Variants in ARHGAP6 observed in about 807,000 individuals in gnomAD.
The protein encoded by ARHGAP6 is Rho GTPase activating protein 6.
ARHGAP6 carries 16 observed loss-of-function variants against 55.7 expected under a neutral mutation model. The ratio of observed to expected loss-of-function variants is 0.29; its 90% CI spans 0.19 to 0.44. ARHGAP6 has a LOEUF of 0.44. Ranked by LOEUF, ARHGAP6 falls within the 20% of genes least tolerant of loss-of-function variation. The probability of loss-of-function intolerance (pLI) is 1.00; values close to 1 mark genes in which losing one functional copy is unlikely to be tolerated. For missense variants in ARHGAP6, 698 were observed against 808.9 expected (o/e 0.86, Z 1.66); for synonymous variants, 382 against 360.9 (o/e 1.06, Z -0.66).
At chrX:11,466,640 G>A (rs2050296124) in intron 1 of ARHGAP6, among the ~76,000 whole-genome samples, 1 of 110,815 alleles carries the variant, frequency 9.0e-6, no homozygotes, top group South Asian at 3.9e-4. Context: ...GAGTAGCTGG[G>A]ACTATGGGCA....
intron 1 of ARHGAP6, chrX:11,427,937 C>T (rs1434826100): frequency 1.7e-5 from 6 of 359,644 alleles, no homozygotes; most frequent in Non-Finnish European, 1.4e-5. Flanking sequence ...CGGCGGCCGC[C>T]GCCGCTGACA....
intron 10 of ARHGAP6, chrX:11,148,905 T>G (rs2045735783): frequency 9.0e-6 from 2 of 222,147 alleles, no homozygotes; most frequent in South Asian, 1.1e-4. Context: ...CATCTTGGAT[T>G]ATATCAATGG....
intron 10 of ARHGAP6, among the ~76,000 whole-genome samples, chrX:11,146,004 A>C (rs2045684825): frequency 8.9e-6 from 1 of 112,325 alleles, no homozygotes; most frequent in African/African-American, 3.2e-5. Flanking sequence ...TAAGAGCCAA[A>C]TCAGGAGGGA....
At chrX:11,639,689 G>C (rs1315107552) in intron 1 of ARHGAP6, among the ~76,000 whole-genome samples, 5 of 110,574 alleles carry the variant, frequency 4.5e-5, no homozygotes, top group Non-Finnish European at 9.5e-5. Context: ...ATATATCTGT[G>C]AGAGAAAAAG....
intron 1 of ARHGAP6, among the ~76,000 whole-genome samples, chrX:11,518,991 A>T (rs201855942): frequency 0.017 from 1,530 of 87,798 alleles, 25 homozygotes; most frequent in East Asian, 0.039. Context: ...TGCATAGTAT[A>T]CCATGGTGTA....
At chrX:11,504,847 A>G (rs2050716236) in intron 1 of ARHGAP6, among the ~76,000 whole-genome samples, 1 of 112,604 alleles carries the variant, frequency 8.9e-6, no homozygotes. Flanking sequence ...AGATATTTCA[A>G]TGTCACATTG....
In ARHGAP6 at chrX:11,491,468, G is replaced by GT. The variant is rs2050567103; in HGVS notation, c.588+172772dup. On this transcript the variant is annotated intron_variant, in intron 1 of 12. Coordinates refer to ENST00000337414, the MANE Select transcript of ARHGAP6 (RefSeq NM_013427.3). Reference sequence around the variant, plus strand: ...TAGGAGTGAGAATATGCGGTGTCTGGTTTTTTCTTCTTGCGATAGTTTACT... The same window carrying GT: ...TAGGAGTGAGAATATGCGGTGTCTGGTTTTTTTCTTCTTGCGATAGTTTACT... 4.5e-5 allele frequency among the ~76,000 whole-genome samples: 5 copies of GT among 110,063 alleles called. No homozygotes were observed. In the Admixed American group the frequency reaches 4.8e-4, roughly 11 times the overall value.
chrX:11,459,925 A>T (rs992919355), intron 1 of ARHGAP6, among the ~76,000 whole-genome samples: 1 of 111,757 alleles, frequency 8.9e-6, no homozygotes, highest in Non-Finnish European at 1.9e-5. Context: ...AGTGTTAAAA[A>T]AAAAGTGTTA....
At chrX:11,538,343 CA>C (rs1373538190) in intron 1 of ARHGAP6, among the ~76,000 whole-genome samples, 2 of 111,866 alleles carry the variant, frequency 1.8e-5, no homozygotes, top group Non-Finnish European at 3.8e-5. Flanking sequence ...TGCCCACACT[CA>C]GTGAAATCTG....
At chrX:11,553,818 G>T (rs951815008) in intron 1 of ARHGAP6, among the ~76,000 whole-genome samples, 1 of 111,752 alleles carries the variant, frequency 8.9e-6, no homozygotes, top group Admixed American at 9.5e-5. Flanking sequence ...GTACCAAGCT[G>T]GTTTCAACTA....
intron 1 of ARHGAP6, among the ~76,000 whole-genome samples, chrX:11,563,766 T>A (rs1337020319): frequency 9.0e-6 from 1 of 111,546 alleles, no homozygotes; most frequent in Non-Finnish European, 1.9e-5. Context: ...CACTTTGAAG[T>A]TAAACTTCAC....
intron 1 of ARHGAP6, among the ~76,000 whole-genome samples, chrX:11,364,719 C>T (rs967942456): frequency 9.0e-6 from 1 of 111,593 alleles, no homozygotes; most frequent in Non-Finnish European, 1.9e-5. Context: ...AAATAAGATG[C>T]AAATATAATT....
At chrX:11,648,501 G>A (rs1441366189) in intron 1 of ARHGAP6, among the ~76,000 whole-genome samples, 1 of 111,577 alleles carries the variant, frequency 9.0e-6, no homozygotes, top group East Asian at 2.8e-4. Context: ...CCATAGTATT[G>A]TTGCCTTTCC....
chrX:11,531,337 T>A (rs775221031), intron 1 of ARHGAP6, among the ~76,000 whole-genome samples: 64 of 111,824 alleles, frequency 5.7e-4, no homozygotes, highest in African/African-American at 1.9e-3. Flanking sequence ...GTAAGTTTTT[T>A]AAAAAATCAC....
intron 1 of ARHGAP6, among the ~76,000 whole-genome samples, chrX:11,539,971 T>C (rs1184965357): frequency 9.1e-6 from 1 of 110,396 alleles, no homozygotes; most frequent in Non-Finnish European, 1.9e-5. Context: ...AAAACAAACC[T>C]CAGGCTGGGT....
intron 1 of ARHGAP6, chrX:11,367,799 G>A (rs1044359403): frequency 2.7e-6 from 2 of 751,507 alleles, no homozygotes; most frequent in Non-Finnish European, 1.6e-6. Context: ...CCAGGCTTCC[G>A]CCCTATCAGG....
At chrX:11,453,290 TAC>T (rs2050163294) in intron 1 of ARHGAP6, among the ~76,000 whole-genome samples, 1 of 99,980 alleles carries the variant, frequency 1.0e-5, no homozygotes, top group African/African-American at 3.6e-5. Flanking sequence ...ACTATATATA[TAC>T]ATAATATATA....
intron 2 of ARHGAP6, among the ~76,000 whole-genome samples, chrX:11,253,322 T>C (rs868129543): frequency 9.0e-6 from 1 of 111,117 alleles, no homozygotes; most frequent in Non-Finnish European, 1.9e-5. Flanking sequence ...TATGCACATA[T>C]GTTGTGTATA....
intron 1 of ARHGAP6, among the ~76,000 whole-genome samples, chrX:11,281,819 A>G: frequency 9.0e-6 from 1 of 111,729 alleles, no homozygotes; most frequent in Admixed American, 9.5e-5. Context: ...GTTTGTACTG[A>G]GGGGAAAAAA....
Sources: gnomAD v4.1 joint callset for allele counts (sites outside exome capture counted in the v4.1 genomes callset) on GRCh38, gnomAD v4.1.1 for gene constraint, MANE v1.5 for transcripts, NCBI Gene and HGNC (gene_info 2026-07-23, HGNC 2026-07-21) for gene names.